Variants in SLC2A13 observed in about 807,000 individuals in gnomAD.
SLC2A13 encodes solute carrier family 2 member 13.
A neutral mutation model predicts 64.4 loss-of-function variants in SLC2A13; 32 were observed. The observed-to-expected ratio is 0.50, with a 90% CI of 0.37 to 0.67. The LOEUF is 0.67. Ranked by LOEUF, SLC2A13 falls within the 30% of genes least tolerant of loss-of-function variation. The pLI is 0.00. For synonymous variants in SLC2A13, 338 were observed against 327.1 expected (o/e 1.03, Z -0.36); for missense variants, 743 against 829.2 (o/e 0.90, Z 1.28).
At chr12:39,895,518 A>G (rs1270020565) in intron 4 of SLC2A13, among the ~76,000 whole-genome samples, 1 of 1,018 alleles carries the variant, frequency 9.8e-4, no homozygotes, top group Non-Finnish European at 2.6e-3. Flanking sequence ...AAAAAATTAT[A>G]TATATATATA....
intron 3 of SLC2A13, among the ~76,000 whole-genome samples, chr12:39,988,730 G>T (rs943319412): frequency 5.1e-5 from 7 of 136,152 alleles, no homozygotes; most frequent in African/African-American, 1.3e-4. Context: ...AGGAAGGAAG[G>T]GGGGGAGGAA....
At position 39,760,236 on chromosome 12, in the gene SLC2A13, A is replaced by G. The variant is rs763716107; in HGVS notation, c.1737T>C (p.Tyr579=). Residue 579 remains tyrosine (Y), a synonymous_variant, in exon 10 of 10, where the codon TAT becomes TAC. Coordinates refer to ENST00000280871, the MANE Select transcript of SLC2A13 (RefSeq NM_052885.4). The stretch of plus-strand genomic sequence containing the variant: ...GGAGTCCCACAGCAGCAAATCCAGC[A>G]TAGAGGAAGAAAGCTCCTGCAACGG... ...YLTYYGAFFL[Y]AGFAAVGLLF... 4 of 1,612,204 alleles carry G rather than the reference A, an allele frequency of 2.5e-6. No homozygotes were observed. Among genetic ancestry groups the G allele is most frequent in the Non-Finnish European group, 3.4e-6 (4 of 1,178,942 alleles).
At chr12:40,037,837 A>G (rs1245720013) in intron 2 of SLC2A13, among the ~76,000 whole-genome samples, 1 of 152,038 alleles carries the variant, frequency 6.6e-6, no homozygotes, top group South Asian at 2.1e-4. Flanking sequence ...CAGTTGTTCA[A>G]ATTTTTCCTT....
At position 39,994,245 on chromosome 12, in the gene SLC2A13, G is replaced by A. The variant is rs541180495; in HGVS notation, c.925+34056C>T. ...TAAAAACACAAAAAATTAGCCAGGC[G>A]TGGTGGCAGGCACTGTAGTCCCAGC... On this transcript the variant is annotated intron_variant, in intron 3 of 9. Transcript: ENST00000280871. Among the ~76,000 whole-genome samples, 145 of 151,972 alleles carry A rather than the reference G, an allele frequency of 9.5e-4. 1 individual carries two copies. Among genetic ancestry groups the A allele is most frequent in the African/African-American group, 3.4e-3 (140 of 41,448 alleles).
chr12:40,053,764 G>A (rs965504096), intron 1 of SLC2A13, among the ~76,000 whole-genome samples: 2 of 152,138 alleles, frequency 1.3e-5, no homozygotes, highest in Admixed American at 6.5e-5. Context: ...AGGAGGATCC[G>A]TGCTCAGTCT....
chr12:39,865,550 T>A (rs1364101815), intron 5 of SLC2A13, among the ~76,000 whole-genome samples: 1 of 152,218 alleles, frequency 6.6e-6, no homozygotes, highest in African/African-American at 2.4e-5. Flanking sequence ...AAAGAATAAT[T>A]TTTGTGTCCC....
chr12:39,956,887 C>T (rs1946323579), intron 3 of SLC2A13, among the ~76,000 whole-genome samples: 1 of 151,924 alleles, frequency 6.6e-6, no homozygotes, highest in Admixed American at 6.6e-5. Flanking sequence ...GTAAAGATGC[C>T]CCTGTGGAGA....
chr12:39,915,884 ATC>A (rs1945513752), intron 4 of SLC2A13, among the ~76,000 whole-genome samples: 2 of 151,930 alleles, frequency 1.3e-5, no homozygotes, highest in Non-Finnish European at 2.9e-5. Context: ...ATCACGACAA[ATC>A]TCTGATTTAC....
intron 4 of SLC2A13, among the ~76,000 whole-genome samples, chr12:39,906,886 T>TA (rs1203533450): frequency 2.6e-5 from 4 of 152,086 alleles, no homozygotes; most frequent in African/African-American, 4.8e-5. Context: ...GAAGATAAAG[T>TA]AAAAAAACTT....
chr12:39,977,212 G>A (rs1173086779), intron 3 of SLC2A13, among the ~76,000 whole-genome samples: 1 of 152,082 alleles, frequency 6.6e-6, no homozygotes, highest in African/African-American at 2.4e-5. Context: ...AATCCCATTG[G>A]GCAGATTAGC....
At chr12:39,819,412 G>A (rs1223985648) in intron 7 of SLC2A13, among the ~76,000 whole-genome samples, 5 of 151,944 alleles carry the variant, frequency 3.3e-5, no homozygotes, top group Non-Finnish European at 7.4e-5. Context: ...CAGATTTACA[G>A]TCCATATCTT....
chr12:39,803,450 G>C (rs758836057), intron 7 of SLC2A13, among the ~76,000 whole-genome samples: 3 of 151,866 alleles, frequency 2.0e-5, no homozygotes, highest in Non-Finnish European at 4.4e-5. Context: ...ATAAGCATGA[G>C]TATAATTATT....
At chr12:39,978,502 C>G (rs12814744) in intron 3 of SLC2A13, among the ~76,000 whole-genome samples, 24,132 of 152,164 alleles carry the variant, frequency 0.16, 2,059 homozygotes, top group East Asian at 0.39. Flanking sequence ...GAGGCATTGC[C>G]TCACCTGGGA....
At chr12:39,804,020 T>C (rs978436508) in intron 7 of SLC2A13, among the ~76,000 whole-genome samples, 3 of 152,096 alleles carry the variant, frequency 2.0e-5, no homozygotes, top group African/African-American at 7.2e-5. Context: ...AATGTCTGAA[T>C]TCATTAAAAA....
chr12:39,793,629 G>A (rs1427928464), intron 7 of SLC2A13, among the ~76,000 whole-genome samples: 7 of 152,036 alleles, frequency 4.6e-5, no homozygotes, highest in African/African-American at 1.7e-4. Flanking sequence ...GGACAACCTG[G>A]CCCTTACTAG....
chr12:40,082,664 A>G (rs1019550011), intron 1 of SLC2A13, among the ~76,000 whole-genome samples: 1 of 152,208 alleles, frequency 6.6e-6, no homozygotes, highest in Non-Finnish European at 1.5e-5. Context: ...TGGGCCTTGA[A>G]GGATGAGCAC....
intron 6 of SLC2A13, among the ~76,000 whole-genome samples, chr12:39,862,230 G>A (rs895546657): frequency 2.0e-5 from 3 of 152,148 alleles, no homozygotes; most frequent in Admixed American, 6.5e-5. Context: ...TAGGGTTGTC[G>A]ATCTCTTGAA....
intron 4 of SLC2A13, among the ~76,000 whole-genome samples, chr12:39,900,305 A>C (rs945032694): frequency 6.6e-6 from 1 of 151,878 alleles, no homozygotes; most frequent in African/African-American, 2.4e-5. Context: ...CTCTCTCACC[A>C]CTCCTATTCA....
At chr12:39,960,463 C>T (rs1946389161) in intron 3 of SLC2A13, among the ~76,000 whole-genome samples, 1 of 152,166 alleles carries the variant, frequency 6.6e-6, no homozygotes, top group Non-Finnish European at 1.5e-5. Context: ...TCACTGCAAC[C>T]TCTGCCTTCA....
Sources: allele counts gnomAD v4.1 joint callset (sites outside exome capture counted in the v4.1 genomes callset), GRCh38; gene constraint gnomAD v4.1.1; transcripts MANE v1.5; gene names NCBI Gene and HGNC (gene_info 2026-07-23, HGNC 2026-07-21).